Variants in CYYR1 observed in about 807,000 individuals in gnomAD.
CYYR1 encodes the protein cysteine and tyrosine rich 1.
A neutral mutation model predicts 15.2 loss-of-function variants in CYYR1; 14 were observed. The ratio of observed to expected loss-of-function variants is 0.92; its 90% confidence interval spans 0.61 to 1.44. CYYR1 has a LOEUF of 1.44. Among genes scored for constraint, CYYR1 ranks in the 40% most tolerant of loss-of-function variants. The pLI is 0.00. For missense variants in CYYR1, 228 were observed against 209.5 expected (o/e 1.09, Z -0.54); for synonymous variants, 80 against 77.4 (o/e 1.03, Z -0.18).
intron 2 of CYYR1, among the ~76,000 whole-genome samples, chr21:26,540,344 C>T (rs150833924): frequency 6.9e-4 from 105 of 152,108 alleles, no homozygotes; most frequent in Non-Finnish European, 1.1e-3. Flanking sequence ...TTTTGGCTAA[C>T]GGCATGCCCC....
At chr21:26,501,778 C>G (rs947362266) in intron 2 of CYYR1, among the ~76,000 whole-genome samples, 2 of 152,180 alleles carry the variant, frequency 1.3e-5, no homozygotes, top group African/African-American at 4.8e-5. Context: ...ACCCACTTAT[C>G]TACCTCTCTG....
intron 2 of CYYR1, among the ~76,000 whole-genome samples, chr21:26,540,600 A>C (rs1053709927): frequency 2.3e-4 from 35 of 152,200 alleles, no homozygotes; most frequent in African/African-American, 8.2e-4. Context: ...AAGGCTAAAA[A>C]GAACCGAACA....
At chr21:26,544,616 G>A (rs1978818729) in intron 2 of CYYR1, among the ~76,000 whole-genome samples, 1 of 152,122 alleles carries the variant, frequency 6.6e-6, no homozygotes, top group Non-Finnish European at 1.5e-5. Context: ...TGCTTTTGAA[G>A]GGTATACATC....
chr21:26,564,828 G>A, intron 2 of CYYR1: 2 of 1,234,006 alleles, frequency 1.6e-6, no homozygotes, highest in South Asian at 2.9e-5. Context: ...AGCAGCATCT[G>A]GTATGTGGAG....
At chr21:26,525,389 T>C (rs2065850973) in intron 2 of CYYR1, among the ~76,000 whole-genome samples, 1 of 152,284 alleles carries the variant, frequency 6.6e-6, no homozygotes, top group South Asian at 2.1e-4. Flanking sequence ...AGCCCCATAA[T>C]AGCTCAAAGG....
At chr21:26,507,264 G>C (rs146978518) in intron 2 of CYYR1, among the ~76,000 whole-genome samples, 92 of 152,186 alleles carry the variant, frequency 6.0e-4, no homozygotes, top group Non-Finnish European at 1.2e-3. Context: ...ACTAGAGAGA[G>C]GTTTCAAGTT....
At chr21:26,469,311 A>G (rs947639702) in intron 3 of CYYR1, among the ~76,000 whole-genome samples, 8 of 152,108 alleles carry the variant, frequency 5.3e-5, no homozygotes, top group Non-Finnish European at 7.4e-5. Context: ...CAGGACTCCT[A>G]TAATTGGAGG....
At chr21:26,502,866 T>C (rs1212344640) in intron 2 of CYYR1, among the ~76,000 whole-genome samples, 1 of 152,180 alleles carries the variant, frequency 6.6e-6, no homozygotes, top group Non-Finnish European at 1.5e-5. Flanking sequence ...CATAGATGAA[T>C]ATTTCTGTGA....
At chr21:26,478,098 A>T (rs1569139165) in intron 3 of CYYR1, 1 of 1,549,728 alleles carries the variant, frequency 6.5e-7, no homozygotes, top group Non-Finnish European at 8.7e-7. Flanking sequence ...AGTGTTGAAC[A>T]AAATAGACCA....
chr21:26,570,909 T>A (rs1047469958), intron 1 of CYYR1, among the ~76,000 whole-genome samples: 3 of 152,228 alleles, frequency 2.0e-5, no homozygotes, highest in Non-Finnish European at 4.4e-5. Context: ...GGCGTCTATA[T>A]TTTTCAAAGG....
intron 2 of CYYR1, among the ~76,000 whole-genome samples, chr21:26,539,316 C>T (rs1342915218): frequency 6.6e-6 from 1 of 152,116 alleles, no homozygotes; most frequent in African/African-American, 2.4e-5. Context: ...ACGAGCCAAG[C>T]AGGGGACAAA....
intron 3 of CYYR1, among the ~76,000 whole-genome samples, chr21:26,469,177 T>A (rs1344068318): frequency 6.6e-6 from 1 of 152,158 alleles, no homozygotes; most frequent in Non-Finnish European, 1.5e-5. Flanking sequence ...GATAAGGGAC[T>A]CATGACAGTG....
At chr21:26,564,816 A>T (rs1468262267) in intron 2 of CYYR1, 2 of 1,249,138 alleles carry the variant, frequency 1.6e-6, no homozygotes, top group East Asian at 1.1e-4. Flanking sequence ...TCTACCTGGG[A>T]CAGCAGCATC....
intron 2 of CYYR1, among the ~76,000 whole-genome samples, chr21:26,518,924 G>A (rs1275028831): frequency 1.3e-5 from 2 of 152,206 alleles, no homozygotes; most frequent in African/African-American, 4.8e-5. Flanking sequence ...TTTTCCTGAA[G>A]TAGAATAGCT....
At chr21:26,476,003 A>G (rs185685565) in intron 3 of CYYR1, among the ~76,000 whole-genome samples, 1 of 152,292 alleles carries the variant, frequency 6.6e-6, no homozygotes, top group East Asian at 1.9e-4. Flanking sequence ...AGTTTTCTTT[A>G]GTATGAACAT....
At chr21:26,525,725 C>G (rs924047936) in intron 2 of CYYR1, among the ~76,000 whole-genome samples, 10 of 152,148 alleles carry the variant, frequency 6.6e-5, no homozygotes, top group Non-Finnish European at 1.5e-5. Flanking sequence ...GGCTATCTGA[C>G]CCCCCAAATC....
chr21:26,483,517 A>T (rs954472026), intron 2 of CYYR1: 4 of 683,340 alleles, frequency 5.9e-6, no homozygotes, highest in Non-Finnish European at 7.2e-6. Flanking sequence ...ATCAGACCAT[A>T]GATCTTTTCC....
chr21:26,566,819 G>GGA (rs984078001), intron 1 of CYYR1, among the ~76,000 whole-genome samples: 11 of 152,064 alleles, frequency 7.2e-5, no homozygotes, highest in Non-Finnish European at 1.0e-4. Context: ...GACCAGCCTG[G>GGA]CCAACATGAT....
intron 2 of CYYR1, among the ~76,000 whole-genome samples, chr21:26,515,132 C>T (rs1417000232): frequency 2.0e-5 from 3 of 152,272 alleles, no homozygotes; most frequent in Admixed American, 6.5e-5. Context: ...CCAACAGGCA[C>T]GTTAAGTAAT....
Sources: allele counts gnomAD v4.1 joint callset (sites outside exome capture counted in the v4.1 genomes callset), GRCh38; gene constraint gnomAD v4.1.1; transcripts MANE v1.5; gene names NCBI Gene and HGNC (gene_info 2026-07-23, HGNC 2026-07-21).